Variants in ENTREP2 observed in about 807,000 individuals in gnomAD.
ENTREP2 encodes the protein endosomal transmembrane epsin interactor 2.
the ENTREP2 span, among the ~76,000 whole-genome samples, chr15:29,646,948 A>T: frequency 1.3e-5 from 2 of 152,190 alleles, no homozygotes; most frequent in African/African-American, 4.8e-5. Flanking sequence ...CATTGCCTTG[A>T]CCACCATATG....
chr15:29,562,114 A>G, the ENTREP2 span, among the ~76,000 whole-genome samples: 1 of 152,254 alleles, frequency 6.6e-6, no homozygotes, highest in Non-Finnish European at 1.5e-5. Context: ...GTCATCCTAC[A>G]GAATGCAAGG....
chr15:29,495,598 CTTTCA>C, the ENTREP2 span, among the ~76,000 whole-genome samples: 1 of 151,788 alleles, frequency 6.6e-6, no homozygotes, highest in Non-Finnish European at 1.5e-5. Flanking sequence ...ATTTTGTTTC[CTTTCA>C]TATTTTTTCT....
At chr15:29,297,312 C>T in the ENTREP2 span, among the ~76,000 whole-genome samples, 20 of 152,042 alleles carry the variant, frequency 1.3e-4, no homozygotes, top group African/African-American at 3.4e-4. Context: ...GAACAGTGTA[C>T]GCATCATAGG....
At chr15:29,126,275 C>G in the ENTREP2 span, 1 of 1,469,576 alleles carries the variant, frequency 6.8e-7, no homozygotes, top group South Asian at 1.4e-5. Context: ...ACCTGCCATG[C>G]TAGATGTGCA....
chr15:29,582,919 G>A, the ENTREP2 span, among the ~76,000 whole-genome samples: 1 of 152,216 alleles, frequency 6.6e-6, no homozygotes, highest in South Asian at 2.1e-4. Context: ...AAAGTGCTGG[G>A]ATTACAGGCA....
At chr15:29,522,683 C>G in the ENTREP2 span, among the ~76,000 whole-genome samples, 1 of 152,152 alleles carries the variant, frequency 6.6e-6, no homozygotes, top group East Asian at 1.9e-4. Flanking sequence ...AGAACCCTGG[C>G]AAAACATGGC....
At chr15:29,658,518 T>C in the ENTREP2 span, among the ~76,000 whole-genome samples, 1 of 152,204 alleles carries the variant, frequency 6.6e-6, no homozygotes, top group South Asian at 2.1e-4. Flanking sequence ...AGAATCATCG[T>C]GTATCTTGAT....
chr15:29,360,196 A>T, the ENTREP2 span, among the ~76,000 whole-genome samples: 2 of 152,306 alleles, frequency 1.3e-5, no homozygotes, highest in African/African-American at 4.8e-5. Flanking sequence ...AGTTATAATA[A>T]TTTTTTCTAA....
chr15:29,485,295 C>T, the ENTREP2 span, among the ~76,000 whole-genome samples: 117 of 152,292 alleles, frequency 7.7e-4, no homozygotes, highest in African/African-American at 2.7e-3. Flanking sequence ...CTCCACAGTG[C>T]AGGACCTGGC....
At chr15:29,580,675 G>A in the ENTREP2 span, among the ~76,000 whole-genome samples, 27 of 152,308 alleles carry the variant, frequency 1.8e-4, no homozygotes, top group Non-Finnish European at 3.2e-4. Flanking sequence ...ACTAAGAGCA[G>A]AATACAGATA....
the ENTREP2 span, among the ~76,000 whole-genome samples, chr15:29,204,330 G>A: frequency 1.3e-5 from 2 of 152,158 alleles, no homozygotes; most frequent in African/African-American, 2.4e-5. Context: ...ATGCCCCCAC[G>A]ATTCTCTTAC....
chr15:29,628,987 T>C, the ENTREP2 span, among the ~76,000 whole-genome samples: 1 of 152,154 alleles, frequency 6.6e-6, no homozygotes, highest in African/African-American at 2.4e-5. Context: ...TGACCTCAAG[T>C]GCTCTACCCG....
At chr15:29,202,005 C>A in the ENTREP2 span, among the ~76,000 whole-genome samples, 1 of 152,110 alleles carries the variant, frequency 6.6e-6, no homozygotes, top group Non-Finnish European at 1.5e-5. Context: ...TGTGTTAGTT[C>A]GTGTTTTCCA....
chr15:29,501,340 G>C, the ENTREP2 span, among the ~76,000 whole-genome samples: 2 of 151,948 alleles, frequency 1.3e-5, no homozygotes, highest in Non-Finnish European at 2.9e-5. Context: ...ACCAAGTAGA[G>C]TTTATCCCAG....
the ENTREP2 span, among the ~76,000 whole-genome samples, chr15:29,158,912 GA>G: frequency 1.3e-5 from 2 of 152,050 alleles, no homozygotes; most frequent in Non-Finnish European, 2.9e-5. Flanking sequence ...AAATTATTTT[GA>G]AAATCTCTCC....
the ENTREP2 span, among the ~76,000 whole-genome samples, chr15:29,516,619 G>A: frequency 2.6e-5 from 4 of 152,054 alleles, no homozygotes; most frequent in Non-Finnish European, 5.9e-5. Flanking sequence ...GGGGGGTGCA[G>A]GTACAAAGAG....
At chr15:29,339,991 G>A in the ENTREP2 span, among the ~76,000 whole-genome samples, 1 of 152,186 alleles carries the variant, frequency 6.6e-6, no homozygotes, top group African/African-American at 2.4e-5. Flanking sequence ...TTTTCTAGCT[G>A]GGTATATTTC....
chr15:29,654,763 A>G, the ENTREP2 span, among the ~76,000 whole-genome samples: 1 of 152,212 alleles, frequency 6.6e-6, no homozygotes, highest in African/African-American at 2.4e-5. Flanking sequence ...AAGTGTTACT[A>G]GACAACAGAA....
the ENTREP2 span, among the ~76,000 whole-genome samples, chr15:29,248,095 AT>A: frequency 1.3e-5 from 2 of 152,244 alleles, no homozygotes; most frequent in Non-Finnish European, 2.9e-5. Flanking sequence ...GCTGCAAATG[AT>A]TTTTAATGAT....
Sources: allele counts gnomAD v4.1 joint callset (sites outside exome capture counted in the v4.1 genomes callset), GRCh38; gene constraint gnomAD v4.1.1; transcripts MANE v1.5; gene names NCBI Gene and HGNC (gene_info 2026-07-23, HGNC 2026-07-21).